PGM2: variants seen among roughly 807,000 people sequenced by gnomAD.
The protein encoded by PGM2 is phosphopentomutase.
Under a neutral mutation model 74.6 loss-of-function variants are expected in PGM2, and 57 were observed. The observed-to-expected ratio is 0.76, with a 90% confidence interval of 0.62 to 0.95. The LOEUF is 0.95. Among genes scored for constraint, PGM2 ranks in the 40% least tolerant of loss-of-function variants. The pLI, the probability that PGM2 is intolerant of heterozygous loss-of-function variation, is 0.00. For synonymous variants in PGM2, 273 were observed against 260.7 expected, an observed-to-expected ratio of 1.05 and a Z score of -0.46; for missense variants, 706 against 741.9, an observed-to-expected ratio of 0.95 and a Z score of 0.56.
chr4:37,846,846 TAA>T (rs1725886917), intron 8 of PGM2, 83 bp from the exon 9 acceptor site: 1 of 1,054,658 alleles, frequency 9.5e-7, no homozygotes, highest in African/African-American at 1.6e-5. Flanking sequence ...CTTTGTTTGC[TAA>T]ATTGTTTTAT....
At position 37,840,213 on chromosome 4, in the gene PGM2, A is replaced by G; in HGVS notation, c.673A>G (p.Ile225Val). ...ACTTCTCCACAATCCGAGTGCTTCC[A>G]TCAATAATGACTACTTTGAAGACCT... ...SPLLHNPSASINNDYFEDLKK... is the reference protein window; with the variant it reads ...SPLLHNPSASVNNDYFEDLKK... Residue 225 changes from isoleucine (I) to valine (V), a missense_variant, in exon 6 of 14, where the codon ATC becomes GTC. Coordinates refer to ENST00000381967, the MANE Select transcript of PGM2 (RefSeq NM_018290.4). 1.2e-6 allele frequency: 2 copies of G among 1,613,144 alleles called. No individual in the cohort carries two copies. The highest frequency in any genetic ancestry group is 1.7e-6 in the Non-Finnish European group (2 of 1,179,062).
At chr4:37,850,657 C>G (rs1000889087) in intron 12 of PGM2, among the ~76,000 whole-genome samples, 1 of 151,936 alleles carries the variant, frequency 6.6e-6, no homozygotes, top group Non-Finnish European at 1.5e-5. Context: ...CAAAAATTAG[C>G]TGGGCGTGGT....
At chr4:37,850,530 G>T (rs1394593321) in intron 12 of PGM2, among the ~76,000 whole-genome samples, 157 bp downstream of exon 12, 1 of 152,220 alleles carries the variant, frequency 6.6e-6, no homozygotes, top group African/African-American at 2.4e-5. Context: ...GCCGGATGTG[G>T]TGGCTCATGC....
At chr4:37,853,347 A>G (rs1452069095) in intron 12 of PGM2, among the ~76,000 whole-genome samples, 4 of 133,512 alleles carry the variant, frequency 3.0e-5, no homozygotes, top group East Asian at 2.2e-4. Context: ...TGTGTTGCCC[A>G]GGGTGATATT....
At chr4:37,828,128 G>T (rs1725345295) in intron 1 of PGM2, among the ~76,000 whole-genome samples, 1 of 152,104 alleles carries the variant, frequency 6.6e-6, no homozygotes. Context: ...CAACTCCTTG[G>T]GGGCGTTTTT....
intron 12 of PGM2, among the ~76,000 whole-genome samples, chr4:37,851,759 A>G (rs906197268): frequency 4.6e-5 from 7 of 152,080 alleles, no homozygotes; most frequent in Non-Finnish European, 8.8e-5. Flanking sequence ...TGAGATAAAG[A>G]TTTAGTTCTT....
At chr4:37,853,463 A>G (rs1483658562) in intron 12 of PGM2, among the ~76,000 whole-genome samples, 1 of 149,922 alleles carries the variant, frequency 6.7e-6, no homozygotes. Flanking sequence ...TTTTTCTGCT[A>G]CATTCTCTTT....
chr4:37,830,367 A>C lies in PGM2; in HGVS notation c.249+236A>C, dbSNP rs143993965. On this transcript the variant is annotated intron_variant, in intron 2 of 13. Coordinates refer to ENST00000381967, the MANE Select transcript of PGM2 (RefSeq NM_018290.4). ...TTCATTTAACACACTTATTGAGTAC[A>C]TACCATGTGCCAGCACTGGGGATAT... 4.9e-4 allele frequency among the ~76,000 whole-genome samples: 75 copies of C among 152,344 alleles called. No individual in the cohort carries two copies. The East Asian group carries it at 0.012, about 24-fold the overall frequency.
rs1178134438 is a variant in PGM2, at chr4:37,850,268, C to G, written c.1497C>G (p.Asn499Lys). ...TIKKLFENLR[N>K]YDGKNNYPKA... Reference sequence around the variant, plus strand: ...AGAAATTATTTGAAAACCTCAGAAACTACGATGGAAAAAATAATTATCCAA... The same window carrying G: ...AGAAATTATTTGAAAACCTCAGAAAGTACGATGGAAAAAATAATTATCCAA... The change falls in exon 12 of 14, where the codon AAC becomes AAG. Residue 499 changes from asparagine to lysine, a missense_variant. This residue lies in a region of PGM2 where 359 missense variants were observed against 371.1 expected (regional missense o/e 0.97). Coordinates refer to ENST00000381967, the MANE Select transcript of PGM2 (RefSeq NM_018290.4). The G allele has an allele frequency of 1.3e-6, 2 of 1,586,338 alleles. No individual in the cohort carries two copies. The highest frequency in any genetic ancestry group is 1.9e-5 in the Admixed American group (1 of 51,996).
intron 6 of PGM2, among the ~76,000 whole-genome samples, chr4:37,842,549 CT>C (rs201968920): frequency 1.5e-5 from 1 of 66,768 alleles, no homozygotes; most frequent in Non-Finnish European, 3.7e-5. Flanking sequence ...AAGAATCTTT[CT>C]TTTTTTTCTT....
intron 10 of PGM2, among the ~76,000 whole-genome samples, chr4:37,847,866 T>C (rs914291216): frequency 2.6e-5 from 4 of 152,256 alleles, no homozygotes; most frequent in African/African-American, 9.6e-5. Context: ...CGCTTTTAGC[T>C]ATTAATTTAG....
intron 1 of PGM2, among the ~76,000 whole-genome samples, chr4:37,828,144 C>T (rs1725345591): frequency 6.6e-6 from 1 of 151,808 alleles, no homozygotes; most frequent in Admixed American, 6.6e-5. Flanking sequence ...TTTTTCTTTT[C>T]CTGGGAAGAT....
intron 4 of PGM2, among the ~76,000 whole-genome samples, chr4:37,837,825 G>T (rs748819859): frequency 1.3e-5 from 2 of 152,024 alleles, no homozygotes; most frequent in Non-Finnish European, 2.9e-5. Flanking sequence ...ATTGGAATTG[G>T]TTTTTTTAAA....
chr4:37,856,928 G>C (rs1711538130), intron 13 of PGM2, among the ~76,000 whole-genome samples: 1 of 152,080 alleles, frequency 6.6e-6, no homozygotes, highest in South Asian at 2.1e-4. Context: ...TATTATTAAT[G>C]AGATGTTTTA....
chr4:37,853,699 C>T lies in PGM2; in HGVS notation c.1603-1909C>T, dbSNP rs147591399. 4.2e-4 allele frequency among the ~76,000 whole-genome samples: 64 copies of T among 152,240 alleles called. 1 individual carries two copies. The East Asian group carries it at 0.012, about 28-fold the overall frequency. ...GATTTAATGAGACCTTAATCACCTA[C>T]CCAAGGATGATAAGATGAGATGCCA... is the stretch of plus-strand genomic sequence containing the variant. On this transcript the variant is annotated intron_variant, in intron 12 of 13. Coordinates refer to ENST00000381967, the MANE Select transcript of PGM2 (RefSeq NM_018290.4).
intron 12 of PGM2, among the ~76,000 whole-genome samples, chr4:37,850,946 G>C (rs1350687626): frequency 1.5e-5 from 2 of 134,402 alleles, no homozygotes; most frequent in Non-Finnish European, 3.0e-5. Context: ...AGCTGAGATT[G>C]CACCACTACA....
intron 4 of PGM2, 137 bp from the exon 5 acceptor site, chr4:37,839,711 C>T (rs1191886018): frequency 2.9e-6 from 2 of 699,988 alleles, no homozygotes; most frequent in Admixed American, 4.1e-5. Context: ...GGGTGTGGCT[C>T]AAAAATATTA....
At chr4:37,831,192 C>T in intron 2 of PGM2, among the ~76,000 whole-genome samples, 1 of 74,090 alleles carries the variant, frequency 1.3e-5, no homozygotes, top group African/African-American at 5.6e-5. Flanking sequence ...GACTCTGTCT[C>T]AAAAAAAAAA....
chr4:37,845,231 T>C (rs533146831), intron 7 of PGM2, among the ~76,000 whole-genome samples: 1 of 152,334 alleles, frequency 6.6e-6, no homozygotes, highest in African/African-American at 2.4e-5. Flanking sequence ...TTGCTTACAT[T>C]ATGGTTTCTG....
Sources: allele counts gnomAD v4.1 joint callset (sites outside exome capture counted in the v4.1 genomes callset), GRCh38; gene constraint gnomAD v4.1.1; regional missense constraint gnomAD v4.1.1; transcripts MANE v1.5; gene names NCBI Gene and HGNC (gene_info 2026-07-23, HGNC 2026-07-21).